The following AVEN variants were observed in gnomAD, a reference collection of about 807,000 sequenced individuals.
AVEN encodes the protein cell death regulator Aven.
AVEN carries 41 observed loss-of-function variants against 38.1 expected under a neutral mutation model. The observed-to-expected ratio is 1.08, with a 90% CI of 0.84 to 1.40. The LOEUF (loss-of-function observed/expected upper bound fraction) is 1.40, where lower values mean the gene tolerates loss of function less well. Ranked by LOEUF, AVEN falls within the 40% of genes most tolerant of loss-of-function variation. AVEN has a pLI of 0.00. For synonymous variants in AVEN, 206 were observed against 171.8 expected, an observed-to-expected ratio of 1.20 and a Z score of -1.56; for missense variants, 605 against 438.8, an observed-to-expected ratio of 1.38 and a Z score of -3.38.
At chr15:33,864,978 G>A (rs1043589405), downstream of AVEN, among the ~76,000 whole-genome samples, 1 of 152,208 alleles carries the variant, frequency 6.6e-6, no homozygotes, top group African/African-American at 2.4e-5. Flanking sequence ...CAAACAGCCT[G>A]TGCTGGGAAT....
intron 1 of AVEN, among the ~76,000 whole-genome samples, chr15:34,036,519 GTCAA>G (rs1899135650): frequency 6.6e-6 from 1 of 152,142 alleles, no homozygotes; most frequent in Admixed American, 6.5e-5. Context: ...CTTCAGGAAA[GTCAA>G]TCAATCTTGT....
downstream of AVEN, chr15:33,857,728 CAAGG>C: frequency 6.2e-7 from 1 of 1,607,420 alleles, no homozygotes. Flanking sequence ...GTGAACCTTT[CAAGG>C]TAGAGAAGAC....
intron 5 of AVEN, among the ~76,000 whole-genome samples, chr15:34,053,313 AAAAAAAATATATAT>A (rs1223071609): frequency 2.1e-5 from 2 of 94,602 alleles, no homozygotes; most frequent in Non-Finnish European, 4.2e-5. Flanking sequence ...AAAAAAAAAA[AAAAAAAATATATAT>A]ATATATATAT....
At chr15:33,973,577 G>A (rs1356852206) in intron 2 of AVEN, among the ~76,000 whole-genome samples, 2 of 151,910 alleles carry the variant, frequency 1.3e-5, no homozygotes, top group Non-Finnish European at 2.9e-5. Context: ...ATGGCCAAGC[G>A]CAACCTGTAA....
chr15:33,939,057 G>A (rs1894211540), intron 2 of AVEN, among the ~76,000 whole-genome samples: 1 of 152,164 alleles, frequency 6.6e-6, no homozygotes, highest in Non-Finnish European at 1.5e-5. Context: ...TGGCCAGGCT[G>A]GTCTCGAACT....
chr15:33,960,523 A>G (rs1895122087), intron 2 of AVEN, among the ~76,000 whole-genome samples: 1 of 152,222 alleles, frequency 6.6e-6, no homozygotes, highest in African/African-American at 2.4e-5. Flanking sequence ...TCAGAACTAC[A>G]TTCATCACTT....
exon 12 of AVEN, chr15:33,859,051 G>C (rs1039477735): frequency 7.8e-5 from 12 of 154,062 alleles, no homozygotes; most frequent in African/African-American, 2.6e-4. Flanking sequence ...TGGAGAGACA[G>C]AGGGTGCCCT....
intron 5 of AVEN, chr15:34,062,769 A>T (rs770980808): frequency 1.9e-6 from 3 of 1,614,076 alleles, no homozygotes; most frequent in Non-Finnish European, 2.5e-6. Context: ...CACCCCAGTA[A>T]ATCACCAGCC....
intron 2 of AVEN, among the ~76,000 whole-genome samples, chr15:33,945,976 G>A (rs146300851): frequency 2.2e-4 from 33 of 152,158 alleles, no homozygotes; most frequent in African/African-American, 7.0e-4. Context: ...CAAATTCACC[G>A]TTTACTAACC....
intron 1 of AVEN, among the ~76,000 whole-genome samples, chr15:34,073,987 TTC>T (rs5811817): frequency 0.01 from 175 of 17,088 alleles, 15 homozygotes; most frequent in African/African-American, 0.013. Context: ...TTTCTTCTTC[TTC>T]TTTTTTTTTT....
At chr15:33,964,135 A>G (rs1567436885) in intron 2 of AVEN, among the ~76,000 whole-genome samples, 1 of 151,492 alleles carries the variant, frequency 6.6e-6, no homozygotes, top group Non-Finnish European at 1.5e-5. Flanking sequence ...CCGCCAGGAC[A>G]TAGCATAGTT....
At chr15:33,854,250 G>A (rs2079408921), downstream of AVEN, 1 of 673,572 alleles carries the variant, frequency 1.5e-6, no homozygotes, top group African/African-American at 1.9e-5. Flanking sequence ...GTCTCATGGG[G>A]AGCACATACA....
rs753260999 is a variant in AVEN at position 34,063,372 on chromosome 15, G to A, written n.1187C>T. On this transcript the variant is annotated non_coding_transcript_exon_variant, in exon 5 of 12. Transcript: ENST00000675287. This position sits in a 1 kb window ranked among gnomAD's most constrained non-coding sequence, Gnocchi z 4.1. ...CATCCTCTACTGTCGAATCTACCGG[G>A]AAACAGAGAAGCGAACCAAGGACCT... 6.2e-7 allele frequency: 1 copy of A among 1,614,080 alleles called. No individual in the cohort carries two copies.
chr15:34,065,145 T>C (rs1204714479), intron 4 of AVEN: 1 of 159,118 alleles, frequency 6.3e-6, no homozygotes, highest in Non-Finnish European at 1.5e-5. Flanking sequence ...TAAACAGATA[T>C]TGTGCATTCT....
At chr15:34,003,332 G>T in intron 1 of AVEN, 123 bp from the exon 2 acceptor site, 1 of 774,610 alleles carries the variant, frequency 1.3e-6, no homozygotes, top group Non-Finnish European at 2.1e-6. Context: ...GCTGTCTGAA[G>T]ATATTAAATA....
intron 2 of AVEN, among the ~76,000 whole-genome samples, chr15:33,942,678 C>T (rs1464035215): frequency 6.6e-6 from 1 of 152,162 alleles, no homozygotes; most frequent in Non-Finnish European, 1.5e-5. Flanking sequence ...GTCTCGATCT[C>T]CTGACTTCAT....
At chr15:33,862,011 C>CACTGAATAACAAGTTACTTGA (rs1597120142), downstream of AVEN, among the ~76,000 whole-genome samples, 1 of 152,020 alleles carries the variant, frequency 6.6e-6, no homozygotes, top group East Asian at 1.9e-4. Context: ...GTAAAGCATT[C>CACTGAATAACAAGTTACTTGA]ACTGAATAAC....
chr15:33,979,163 AC>A (rs529112415), intron 2 of AVEN, among the ~76,000 whole-genome samples: 444 of 152,298 alleles, frequency 2.9e-3, no homozygotes, highest in African/African-American at 9.9e-3. Context: ...CAGAAGAGTC[AC>A]CTCGTAAACC....
At chr15:33,946,460 A>G (rs1421186932) in intron 2 of AVEN, among the ~76,000 whole-genome samples, 1 of 152,186 alleles carries the variant, frequency 6.6e-6, no homozygotes, top group East Asian at 1.9e-4. Context: ...CGGGCAAGCA[A>G]TTCCTGGATG....
Sources: allele counts gnomAD v4.1 joint callset (sites outside exome capture counted in the v4.1 genomes callset), GRCh38; gene constraint gnomAD v4.1.1; non-coding constraint Gnocchi (gnomAD v3.1); transcripts MANE v1.5; gene names NCBI Gene and HGNC (gene_info 2026-07-23, HGNC 2026-07-21).